Variants in SRPRA observed in about 807,000 individuals in gnomAD.
The protein encoded by SRPRA is signal recognition particle receptor subunit alpha.
Under a neutral mutation model 61.1 loss-of-function variants are expected in SRPRA, and 30 were observed. That is an observed-to-expected ratio of 0.49 (90% CI 0.37 to 0.67). The LOEUF (loss-of-function observed/expected upper bound fraction) is 0.67, where lower values mean the gene tolerates loss of function less well. Ranked by LOEUF, SRPRA falls within the 30% of genes least tolerant of loss-of-function variation. SRPRA has a pLI of 0.00. For missense variants in SRPRA, 759 were observed against 828.4 expected (o/e 0.92, Z 1.03); for synonymous variants, 324 against 299.7 (o/e 1.08, Z -0.84).
rs377415307 is a variant in SRPRA at position 126,267,127 on chromosome 11, G to A, written c.526+48C>T. 9.4e-5 allele frequency: 151 copies of A among 1,610,236 alleles called. No homozygotes were observed. The highest frequency in any genetic ancestry group is 1.2e-4 in the Non-Finnish European group (145 of 1,178,048). ...AAGGACCACCTCAGTCCTTAGCACC[G>A]TGTTAACACCTTTCATGTCCCAGTA... On this transcript the variant is annotated intron_variant, in intron 4 of 13. Coordinates refer to ENST00000332118, the MANE Select transcript of SRPRA (RefSeq NM_003139.4). The surrounding 1 kb of genome is among the most constrained non-coding windows in gnomAD (Gnocchi z 4.2).
chr11:126,262,495 G>C (rs1950722028), downstream of SRPRA: 1 of 302,512 alleles, frequency 3.3e-6, no homozygotes, highest in Non-Finnish European at 6.1e-6. Flanking sequence ...TGGAATCACT[G>C]TGGCTCTTGT....
At chr11:126,247,349 A>G in the SRPRA span, among the ~76,000 whole-genome samples, 1 of 152,336 alleles carries the variant, frequency 6.6e-6, no homozygotes, top group South Asian at 2.1e-4. Context: ...TTGCAGAATC[A>G]TATTTCCTTC....
chr11:126,264,924 C>T lies in SRPRA; in HGVS notation c.1525+35G>A. 6.3e-7 allele frequency: 1 copy of T among 1,583,610 alleles called. No individual in the cohort carries two copies. On this transcript the variant is annotated intron_variant, in intron 11 of 13. Coordinates refer to ENST00000332118, the MANE Select transcript of SRPRA (RefSeq NM_003139.4). The surrounding 1 kb of genome is among the most constrained non-coding windows in gnomAD (Gnocchi z 5.0). ...AGAGAACCCAAGGAGAAAAAGGGAC[C>T]CCAAATAAGCCCCCACACTTCCCAT...
the SRPRA span, chr11:126,256,638 C>T: frequency 5.0e-6 from 8 of 1,614,156 alleles, no homozygotes; most frequent in South Asian, 7.7e-5. This position sits in a 1 kb window ranked among gnomAD's most constrained non-coding sequence, Gnocchi z 6.6. Context: ...TGGATGACAC[C>T]ACTTTCCAGG....
the SRPRA span, among the ~76,000 whole-genome samples, chr11:126,238,489 A>G: frequency 6.6e-6 from 1 of 152,096 alleles, no homozygotes; most frequent in Non-Finnish European, 1.5e-5. Context: ...TCCTAACTGG[A>G]TGGGGGATAG....
At chr11:126,251,967 C>T in the SRPRA span, among the ~76,000 whole-genome samples, 1 of 151,208 alleles carries the variant, frequency 6.6e-6, no homozygotes, top group Non-Finnish European at 1.5e-5. Flanking sequence ...CAGGCATGTG[C>T]CTGGCCGTTT....
chr11:126,264,297 G>A lies in SRPRA; in HGVS notation c.1690-8C>T. 13 of 1,613,152 alleles carry A rather than the reference G, an allele frequency of 8.1e-6. No individual in the cohort carries two copies. Among genetic ancestry groups the A allele is most frequent in the Non-Finnish European group, 9.3e-6 (11 of 1,179,632 alleles). ...GGCTCTGTTGAACTTGACCTGGAAA[G>A]AAAAAGTGATAGAAGTGTAAGAACC... On this transcript the variant is annotated splice_region_variant and splice_polypyrimidine_tract_variant and intron_variant, in intron 12 of 13. Transcript: ENST00000332118. This position sits in a 1 kb window ranked among gnomAD's most constrained non-coding sequence, Gnocchi z 5.0.
the SRPRA span, among the ~76,000 whole-genome samples, chr11:126,248,265 G>A: frequency 6.6e-6 from 1 of 150,446 alleles, no homozygotes; most frequent in Non-Finnish European, 1.5e-5. Context: ...TAGATCATAG[G>A]GCAAATGGAT....
At chr11:126,244,090 A>G in the SRPRA span, among the ~76,000 whole-genome samples, 2 of 152,180 alleles carry the variant, frequency 1.3e-5, no homozygotes, top group Non-Finnish European at 2.9e-5. This position sits in a 1 kb window ranked among gnomAD's most constrained non-coding sequence, Gnocchi z 4.5. Flanking sequence ...ATAGAAGGTA[A>G]CTACCTCAAC....
the SRPRA span, among the ~76,000 whole-genome samples, chr11:126,237,397 TATTTA>T: frequency 5.6e-5 from 8 of 143,528 alleles, no homozygotes; most frequent in Admixed American, 1.4e-4. Context: ...ATTTTTATTT[TATTTA>T]TTTATTTATT....
rs906046804 is a variant in SRPRA at position 126,267,006 on chromosome 11, A to G, written c.527-84T>C. 5 of 1,547,388 alleles carry G rather than the reference A, an allele frequency of 3.2e-6. No individual in the cohort carries two copies. The highest frequency in any genetic ancestry group is 4.2e-4 in the Middle Eastern group (2 of 4,752). On this transcript the variant is annotated intron_variant, in intron 4 of 13. Coordinates refer to ENST00000332118, the MANE Select transcript of SRPRA (RefSeq NM_003139.4). This position sits in a 1 kb window ranked among gnomAD's most constrained non-coding sequence, Gnocchi z 4.2. ...GGCTAAAAGTCTTCCAAATTGTTCA[A>G]AGGAAATTTGGACCAAACATCTTGG...
rs1177394819 is a variant in SRPRA, at chr11:126,263,398, T to G, written c.*518A>C. ...ATGGAGTAGGAGTCATCATCAGAAT[T>G]AGAATTAGCAGCAATTAACAGGCAA... On this transcript the variant is annotated 3_prime_UTR_variant, in exon 14 of 14. Coordinates refer to ENST00000332118, the MANE Select transcript of SRPRA (RefSeq NM_003139.4). 6.5e-6 allele frequency: 1 copy of G among 153,910 alleles called. No individual in the cohort carries two copies. Among genetic ancestry groups the G allele is most frequent in the Non-Finnish European group, 1.4e-5 (1 of 69,020 alleles). The allele number at this position is 153,910 out of a possible 1,614,324, so 9.5% of individuals were successfully genotyped here. A position where few individuals can be genotyped will look rare whatever the true frequency, so the allele number is the denominator to read the frequency against.
At position 126,267,041 on chromosome 11, in the gene SRPRA, G is replaced by A. The variant is rs1272873652; in HGVS notation, c.527-119C>T. 2.0e-6 allele frequency: 3 copies of A among 1,524,630 alleles called. No individual in the cohort carries two copies. Among genetic ancestry groups the A allele is most frequent in the Non-Finnish European group, 2.6e-6 (3 of 1,132,160 alleles). The allele number at this position is 1,524,630 out of a possible 1,614,324, so 94.4% of individuals were successfully genotyped here. On this transcript the variant is annotated intron_variant, in intron 4 of 13. Transcript: ENST00000332118. The surrounding 1 kb of genome is among the most constrained non-coding windows in gnomAD (Gnocchi z 4.2). Reference sequence around the variant, plus strand: ...GGACCAAACATCTTGGAGTTCATAAGGCCTGGGGATTATAGGATGGTGACC... The same window carrying A: ...GGACCAAACATCTTGGAGTTCATAAAGCCTGGGGATTATAGGATGGTGACC...
At chr11:126,262,152 C>T, downstream of SRPRA, 1 of 1,613,746 alleles carries the variant, frequency 6.2e-7, no homozygotes, top group African/African-American at 1.3e-5. Context: ...GAGAAATCAC[C>T]ACCGTTTAGA....
At chr11:126,255,538 T>C in the SRPRA span, among the ~76,000 whole-genome samples, 1 of 152,202 alleles carries the variant, frequency 6.6e-6, no homozygotes, top group South Asian at 2.1e-4. This position sits in a 1 kb window ranked among gnomAD's most constrained non-coding sequence, Gnocchi z 4.6. Flanking sequence ...CGCCTTTCCT[T>C]GAGCAAATCC....
At chr11:126,248,375 T>TTTTC in the SRPRA span, among the ~76,000 whole-genome samples, 1 of 120,372 alleles carries the variant, frequency 8.3e-6, no homozygotes, top group Non-Finnish European at 1.7e-5. Flanking sequence ...TTTTTTTTTT[T>TTTTC]TTTTTTTTTT....
chr11:126,265,879 G>GGTAC lies in SRPRA; in HGVS notation c.1052-60_1052-57dup. The stretch of plus-strand genomic sequence containing the variant: ...CATGTCAGCAATGACCAATCTTTAT[G>GGTAC]GTACAGGTGAGAAACGCTAGGTGAT... On this transcript the variant is annotated intron_variant, in intron 8 of 13. Transcript: ENST00000332118. The surrounding 1 kb of genome is among the most constrained non-coding windows in gnomAD (Gnocchi z 6.3). 1 of 1,611,996 alleles carries GGTAC rather than the reference G, an allele frequency of 6.2e-7. No homozygotes were observed. The highest frequency in any genetic ancestry group is 1.1e-5 in the South Asian group (1 of 91,050).
rs187462910 is a variant in SRPRA, at chr11:126,263,029, T to C, written c.*887A>G. ...TTGCACTAATAGCACATCTGTAATA[T>C]CAAGCTACAGGACAAGTCTTAACAA... On this transcript the variant is annotated 3_prime_UTR_variant, in exon 14 of 14. Coordinates refer to ENST00000332118, the MANE Select transcript of SRPRA (RefSeq NM_003139.4). 6.5e-6 allele frequency: 1 copy of C among 152,804 alleles called. No homozygotes were observed. Among genetic ancestry groups the C allele is most frequent in the Admixed American group, 6.5e-5 (1 of 15,308 alleles). The allele number at this position is 152,804 out of a possible 1,614,324, so 9.5% of individuals were successfully genotyped here.
the SRPRA span, among the ~76,000 whole-genome samples, chr11:126,238,656 A>G: frequency 6.6e-6 from 1 of 152,326 alleles, no homozygotes; most frequent in East Asian, 1.9e-4. Context: ...CAACCTCTGC[A>G]GAAGGGAAAC....
Sources: gnomAD v4.1 joint callset for allele counts (sites outside exome capture counted in the v4.1 genomes callset) on GRCh38, gnomAD v4.1.1 for gene constraint, Gnocchi (gnomAD v3.1) non-coding constraint, MANE v1.5 for transcripts, NCBI Gene and HGNC (gene_info 2026-07-23, HGNC 2026-07-21) for gene names.